HDAC4: variants seen among roughly 807,000 people sequenced by gnomAD.
HDAC4 encodes histone deacetylase 4.
A neutral mutation model predicts 135.1 loss-of-function variants in HDAC4; 16 were observed. The ratio of observed to expected loss-of-function variants is 0.12; its 90% CI spans 0.08 to 0.18. The LOEUF is 0.18. Among genes scored for constraint, HDAC4 ranks in the 10% least tolerant of loss-of-function variants. HDAC4 has a pLI of 1.00. For missense variants in HDAC4, 1,143 were observed against 1,511.8 expected (o/e 0.76, Z 4.05); for synonymous variants, 685 against 653.4 (o/e 1.05, Z -0.74).
chr2:239,298,618 T>C (rs1294895928), intron 2 of HDAC4: 4 of 994,128 alleles, frequency 4.0e-6, no homozygotes, highest in African/African-American at 3.5e-5. Flanking sequence ...TCAGCAGTGA[T>C]AGGAACAGCC....
chr2:239,336,576 A>C (rs953820814), intron 2 of HDAC4, among the ~76,000 whole-genome samples: 6 of 152,260 alleles, frequency 3.9e-5, no homozygotes, highest in Non-Finnish European at 7.3e-5. Flanking sequence ...TACAGTATAC[A>C]GCCATTCATG....
At chr2:239,317,652 TAAGTA>T (rs2125741072) in intron 2 of HDAC4, among the ~76,000 whole-genome samples, 1 of 152,150 alleles carries the variant, frequency 6.6e-6, no homozygotes, top group Non-Finnish European at 1.5e-5. Context: ...CAAACTAATA[TAAGTA>T]AACAATAAGG....
At chr2:239,348,567 G>GC (rs1421850434) in intron 2 of HDAC4, among the ~76,000 whole-genome samples, 1 of 152,244 alleles carries the variant, frequency 6.6e-6, no homozygotes, top group Non-Finnish European at 1.5e-5. Flanking sequence ...AGGAGGCGTA[G>GC]CTTGTCCTGC....
At chr2:239,149,041 C>T (rs1027122825) in intron 7 of HDAC4, among the ~76,000 whole-genome samples, 6 of 152,182 alleles carry the variant, frequency 3.9e-5, no homozygotes, top group African/African-American at 1.2e-4. Context: ...CAGGGACGGC[C>T]GTTCTCCTAT....
In HDAC4 at chr2:239,331,807, A is replaced by G. The variant is rs1244790772; in HGVS notation, c.22+20871T>C. ...GAGAAGGGAGGTGGAAAGAGGGCAC[A>G]CTCGGCCCGCGTGTCCTCCAGAGGC... On this transcript the variant is annotated intron_variant, in intron 2 of 26. Transcript: ENST00000543185. The surrounding 1 kb of genome is among the most constrained non-coding windows in gnomAD (Gnocchi z 4.5). 6.6e-6 allele frequency among the ~76,000 whole-genome samples: 1 copy of G among 152,018 alleles called. No individual in the cohort carries two copies. Among genetic ancestry groups the G allele is most frequent in the African/African-American group, 2.4e-5 (1 of 41,388 alleles).
At chr2:239,177,847 G>A (rs2043871438) in intron 4 of HDAC4, among the ~76,000 whole-genome samples, 1 of 152,216 alleles carries the variant, frequency 6.6e-6, no homozygotes, top group Admixed American at 6.5e-5. Flanking sequence ...AAGCTCACTA[G>A]TGAACACTTC....
chr2:239,238,474 CT>C (rs1328012787), intron 2 of HDAC4, among the ~76,000 whole-genome samples: 1 of 152,148 alleles, frequency 6.6e-6, no homozygotes, highest in Admixed American at 6.5e-5. Context: ...GCAACAGTTC[CT>C]ACGAGCCAAT....
Position 239,250,276 on chromosome 2 carries a change from G to C in HDAC4, c.23-13612C>G, listed in dbSNP as rs545958053. ...GAAGACACAGAGTCGGCCCCCAGGG[G>C]TCCGAGAGGAGAGGTCCAGGTGATA... On this transcript the variant is annotated intron_variant, in intron 2 of 26. Coordinates refer to ENST00000543185, the MANE Select transcript of HDAC4 (RefSeq NM_001378414.1). 1.6e-4 allele frequency among the ~76,000 whole-genome samples: 24 copies of C among 152,390 alleles called. No homozygotes were observed. The South Asian group carries it at 5.0e-3, about 32-fold the overall frequency.
chr2:239,215,870 G>A (rs1355332116), intron 3 of HDAC4, among the ~76,000 whole-genome samples: 3 of 152,140 alleles, frequency 2.0e-5, no homozygotes, highest in Non-Finnish European at 4.4e-5. Flanking sequence ...AATAATGAAC[G>A]GTGCAACCTC....
intron 2 of HDAC4, among the ~76,000 whole-genome samples, chr2:239,264,070 C>T (rs1472972275): frequency 6.6e-6 from 1 of 152,042 alleles, no homozygotes; most frequent in Non-Finnish European, 1.5e-5. Flanking sequence ...AGGGGGAAGA[C>T]ACAGCCCTGG....
intron 7 of HDAC4, among the ~76,000 whole-genome samples, chr2:239,149,708 G>A (rs1169097457): frequency 3.3e-5 from 5 of 152,182 alleles, no homozygotes; most frequent in Admixed American, 2.0e-4. Flanking sequence ...CGTTGCTCAC[G>A]TGCTCCTGGG....
At chr2:239,126,421 C>T in intron 12 of HDAC4, 35 bp downstream of exon 12, 1 of 1,612,684 alleles carries the variant, frequency 6.2e-7, no homozygotes, top group Non-Finnish European at 8.5e-7. Context: ...ACACAGCCGC[C>T]CTGGGGCCTG....
chr2:239,390,683 C>T (rs1317803804), intron 1 of HDAC4, among the ~76,000 whole-genome samples: 1 of 152,184 alleles, frequency 6.6e-6, no homozygotes, highest in Non-Finnish European at 1.5e-5. Context: ...TGACCTCTCC[C>T]ATCTCCCTGT....
intron 12 of HDAC4, among the ~76,000 whole-genome samples, chr2:239,120,402 G>GACGCACACAGACAC (rs2039553950): frequency 1.5e-5 from 1 of 68,270 alleles, no homozygotes; most frequent in Non-Finnish European, 2.8e-5. Flanking sequence ...GACGCACACA[G>GACGCACACAGACAC]ACACACACAC....
chr2:239,174,262 T>A (rs529854914), intron 5 of HDAC4, among the ~76,000 whole-genome samples: 137 of 152,308 alleles, frequency 9.0e-4, no homozygotes, highest in African/African-American at 3.2e-3. Flanking sequence ...AGAAGAGATT[T>A]ACAGCATGTA....
chr2:239,345,885 G>A (rs1344670614), intron 2 of HDAC4, among the ~76,000 whole-genome samples: 7 of 116,032 alleles, frequency 6.0e-5, no homozygotes, highest in Admixed American at 8.9e-5. Context: ...CATACACACC[G>A]TCTAAAACAC....
chr2:239,295,123 C>T (rs1024833258), intron 2 of HDAC4, among the ~76,000 whole-genome samples: 7 of 151,500 alleles, frequency 4.6e-5, no homozygotes, highest in Admixed American at 3.3e-4. Flanking sequence ...CCGGCTATAA[C>T]GGTGAAACCC....
intron 2 of HDAC4, among the ~76,000 whole-genome samples, chr2:239,291,983 C>T (rs1030820783): frequency 1.3e-5 from 2 of 152,240 alleles, no homozygotes; most frequent in Non-Finnish European, 2.9e-5. Context: ...TGTGTGCACA[C>T]AGCCCAGCTC....
intron 12 of HDAC4, among the ~76,000 whole-genome samples, chr2:239,124,840 G>GCCACGTTATATGACATT: frequency 7.4e-6 from 1 of 135,174 alleles, no homozygotes; most frequent in African/African-American, 2.7e-5. Flanking sequence ...CTGGCGTGCG[G>GCCACGTTATATGACATT]CCGCGTTATA....
Sources: allele counts gnomAD v4.1 joint callset (sites outside exome capture counted in the v4.1 genomes callset), GRCh38; gene constraint gnomAD v4.1.1; non-coding constraint Gnocchi (gnomAD v3.1); transcripts MANE v1.5; gene names NCBI Gene and HGNC (gene_info 2026-07-23, HGNC 2026-07-21).